The following TEX2 variants were observed in gnomAD, a reference collection of about 807,000 sequenced individuals.
TEX2 encodes the protein testis-expressed protein 2.
A neutral mutation model predicts 106.9 loss-of-function variants in TEX2; 53 were observed. That is an observed-to-expected ratio of 0.50 (90% CI 0.40 to 0.62). The LOEUF (loss-of-function observed/expected upper bound fraction) is 0.62. Among genes scored for constraint, TEX2 ranks in the 20% least tolerant of loss-of-function variants. The pLI is 0.00. For missense variants in TEX2, 1,207 were observed against 1,379.0 expected, an observed-to-expected ratio of 0.88 and a Z score of 1.98; for synonymous variants, 523 against 534.8, an observed-to-expected ratio of 0.98 and a Z score of 0.30.
chr17:64,191,623 C>A (rs118011124), intron 4 of TEX2, among the ~76,000 whole-genome samples: 1 of 151,996 alleles, frequency 6.6e-6, no homozygotes, highest in Non-Finnish European at 1.5e-5. Flanking sequence ...TTAAGATCAG[C>A]CTGACCAACA....
At chr17:64,168,294 C>T (rs561394650) in intron 7 of TEX2, among the ~76,000 whole-genome samples, 1 of 152,168 alleles carries the variant, frequency 6.6e-6, no homozygotes, top group Non-Finnish European at 1.5e-5. Context: ...CATTTGTGGA[C>T]TTGGAAAAAC....
intron 2 of TEX2, among the ~76,000 whole-genome samples, chr17:64,208,221 GTTTTGTTTTTGT>G (rs149317822): frequency 1.4e-4 from 22 of 152,212 alleles, no homozygotes; most frequent in South Asian, 2.1e-4. Context: ...AAGCTTTACT[GTTTTGTTTTTGT>G]TTTTGTTTTT....
chr17:64,239,954 C>G (rs559643063), intron 1 of TEX2, among the ~76,000 whole-genome samples: 1 of 147,880 alleles, frequency 6.8e-6, no homozygotes, highest in Non-Finnish European at 1.5e-5. Flanking sequence ...AGTTCCTTAC[C>G]AGGCCACAAA....
chr17:64,215,760 C>T (rs1366303260), intron 1 of TEX2, among the ~76,000 whole-genome samples: 3 of 152,202 alleles, frequency 2.0e-5, no homozygotes, highest in Admixed American at 1.3e-4. Context: ...AAGTAATCTA[C>T]CACAATCGAC....
At chr17:64,186,101 C>G (rs2032062017) in intron 5 of TEX2, among the ~76,000 whole-genome samples, 2 of 152,146 alleles carry the variant, frequency 1.3e-5, no homozygotes. Flanking sequence ...AAACAAAGCT[C>G]TAAAATCAGG....
In TEX2 at chr17:64,157,533, C is replaced by T. The variant is rs866267331; in HGVS notation, c.2805-2566G>A. ...ACTCAGGATAGCTAAAAGAATGTCA[C>T]GGACTGTGGAGGCAATTCTAAAAAG... is the stretch of plus-strand genomic sequence containing the variant. On this transcript the variant is annotated intron_variant, in intron 8 of 11. Transcript: ENST00000584379. Among the ~76,000 whole-genome samples the T allele has an allele frequency of 3.9e-5, 6 of 152,198 alleles. 1 individual carries two copies. In the South Asian group the frequency reaches 6.2e-4, roughly 16 times the overall value.
In TEX2 at chr17:64,168,902, C is replaced by CTTTTTTTTTTTTT. The variant is rs3070736; in HGVS notation, c.2671+2185_2671+2197dup. On this transcript the variant is annotated intron_variant, in intron 7 of 11. Transcript: ENST00000584379. ...CTATGCAGTGAACACATAGATGGTG[C>CTTTTTTTTTTTTT]TTTTTTTTTTTTTTTTTGAGACAGA... is the stretch of plus-strand genomic sequence containing the variant. Among the ~76,000 whole-genome samples the CTTTTTTTTTTTTT allele has an allele frequency of 6.5e-5, 7 of 106,968 alleles. 1 individual carries two copies. Among genetic ancestry groups the CTTTTTTTTTTTTT allele is most frequent in the Non-Finnish European group, 9.0e-5 (5 of 55,306 alleles). 70.2% of individuals were successfully genotyped at this position (106,968 alleles called of 152,430 possible).
At position 64,153,370 on chromosome 17, in the gene TEX2, T is replaced by C. The variant is rs1339713657; in HGVS notation, c.2931-216A>G. ...ATGCCAATAGCACTCCCCCTAGTTATGACAATAAAAAATGTTGCCAGACAT... is the reference window on the plus strand; with the variant it reads ...ATGCCAATAGCACTCCCCCTAGTTACGACAATAAAAAATGTTGCCAGACAT... On this transcript the variant is annotated intron_variant, in intron 9 of 11. Coordinates refer to ENST00000584379, the MANE Select transcript of TEX2 (RefSeq NM_001288732.2). The surrounding 1 kb of genome is among the most constrained non-coding windows in gnomAD (Gnocchi z 4.1). Among the ~76,000 whole-genome samples, 1 of 136,706 alleles carries C rather than the reference T, an allele frequency of 7.3e-6. No individual in the cohort carries two copies. The highest frequency in any genetic ancestry group is 2.1e-4 in the East Asian group (1 of 4,778). The allele number at this position is 136,706 out of a possible 152,430, so 89.7% of individuals were successfully genotyped here. A position where few individuals can be genotyped will look rare whatever the true frequency, so the allele number is the denominator to read the frequency against.
intron 1 of TEX2, among the ~76,000 whole-genome samples, chr17:64,231,149 C>T (rs142892131): frequency 1.4e-4 from 21 of 152,312 alleles, no homozygotes; most frequent in African/African-American, 4.8e-4. Context: ...TCAACTTGGC[C>T]TCCTCAGCAG....
At chr17:64,160,718 C>T in intron 8 of TEX2, 83 bp downstream of exon 8, 1 of 1,537,632 alleles carries the variant, frequency 6.5e-7, no homozygotes, top group Non-Finnish European at 8.9e-7. Context: ...GGGGCCACTA[C>T]ACATCAAATC....
In TEX2 at chr17:64,188,189, G is replaced by C. The variant is rs768113401; in HGVS notation, c.2403C>G (p.Ser801Arg). ...TTACCTTCTTCCCAGCTGTGGGGCTGCTCTCCGCACTCTGCAGGGGGCTCC... is the reference window on the plus strand; with the variant it reads ...TTACCTTCTTCCCAGCTGTGGGGCTCCTCTCCGCACTCTGCAGGGGGCTCC... ...PQRSPLQSAE[S>R]SPTAGKKLPE... Residue 801 changes from serine (S) to arginine (R), a missense_variant, in exon 5 of 12, where the codon AGC becomes AGG. Coordinates refer to ENST00000584379, the MANE Select transcript of TEX2 (RefSeq NM_001288732.2). The C allele has an allele frequency of 6.2e-7, 1 of 1,609,946 alleles. No individual in the cohort carries two copies. Among genetic ancestry groups the C allele is most frequent in the South Asian group, 1.1e-5 (1 of 91,002 alleles).
intron 1 of TEX2, among the ~76,000 whole-genome samples, chr17:64,226,490 G>C (rs558620974): frequency 6.6e-6 from 1 of 152,218 alleles, no homozygotes; most frequent in Admixed American, 6.5e-5. Flanking sequence ...CATTCCACCT[G>C]GCAGAGTAAA....
intron 6 of TEX2, among the ~76,000 whole-genome samples, chr17:64,176,999 T>C (rs1400688686): frequency 6.6e-6 from 1 of 152,184 alleles, no homozygotes; most frequent in Admixed American, 6.5e-5. Context: ...TAAGTTCATT[T>C]CCAACTTAAA....
In TEX2 at chr17:64,212,861, C is replaced by T; in HGVS notation, c.1357G>A (p.Gly453Ser). 3.7e-6 allele frequency: 6 copies of T among 1,614,126 alleles called. No homozygotes were observed. The highest frequency in any genetic ancestry group is 5.1e-6 in the Non-Finnish European group (6 of 1,180,044). Reference sequence around the variant, plus strand: ...TCGTCCTCACTGTCAAGGACCACACCATCTTCCGCGAGCACCTCTGGCTTG... The same window carrying T: ...TCGTCCTCACTGTCAAGGACCACACTATCTTCCGCGAGCACCTCTGGCTTG... ...PLKPEVLAED[G>S]VVLDSEDEVD... Residue 453 changes from glycine (G) to serine (S), a missense_variant, in exon 2 of 12, where the codon GGT (glycine) becomes AGT (serine). By Grantham distance (56) the Gly-to-Ser change is moderately conservative (BLOSUM62 0). Coordinates refer to ENST00000584379, the MANE Select transcript of TEX2 (RefSeq NM_001288732.2).
At chr17:64,223,713 C>CTT (rs34897234) in intron 1 of TEX2, among the ~76,000 whole-genome samples, 2,830 of 110,660 alleles carry the variant, frequency 0.026, 151 homozygotes, top group Non-Finnish European at 0.029. Context: ...AACAGAGCAT[C>CTT]TTTTTTTTTT....
intron 2 of TEX2, among the ~76,000 whole-genome samples, chr17:64,198,452 CG>C (rs1454108914): frequency 1.3e-5 from 2 of 151,450 alleles, no homozygotes; most frequent in Non-Finnish European, 2.9e-5. Context: ...CCATGAAGGG[CG>C]GGGGGAAGTT....
intron 2 of TEX2, among the ~76,000 whole-genome samples, chr17:64,209,897 C>T (rs9894308): frequency 0.13 from 20,484 of 152,214 alleles, 1,813 homozygotes; most frequent in African/African-American, 0.25. Flanking sequence ...ATTAAAATCC[C>T]ATTCCATCGG....
At chr17:64,241,022 T>C (rs17563641) in intron 1 of TEX2, among the ~76,000 whole-genome samples, 12,502 of 152,176 alleles carry the variant, frequency 0.082, 601 homozygotes, top group Non-Finnish European at 0.11. Flanking sequence ...AGAAGAAAAA[T>C]AGCCTCAGGC....
intron 5 of TEX2, among the ~76,000 whole-genome samples, chr17:64,177,680 CTT>C (rs2031670396): frequency 6.6e-6 from 1 of 152,238 alleles, no homozygotes; most frequent in African/African-American, 2.4e-5. Context: ...AAAACCTTCT[CTT>C]TGTCTGTTTT....
Sources: allele counts gnomAD v4.1 joint callset (sites outside exome capture counted in the v4.1 genomes callset), GRCh38; gene constraint gnomAD v4.1.1; non-coding constraint Gnocchi (gnomAD v3.1); transcripts MANE v1.5; gene names NCBI Gene and HGNC (gene_info 2026-07-23, HGNC 2026-07-21).